Variants in COX6C observed in about 807,000 individuals in gnomAD.
The protein encoded by COX6C is cytochrome c oxidase polypeptide VIc.
Under a neutral mutation model 6.9 loss-of-function variants are expected in COX6C, and 3 were observed. The ratio of observed to expected loss-of-function variants is 0.43; its 90% confidence interval spans 0.20 to 1.12. The LOEUF (loss-of-function observed/expected upper bound fraction) is 1.12. COX6C is among the 50% of genes most tolerant of loss of function. The probability of loss-of-function intolerance (pLI) is 0.27; values close to 1 mark genes in which losing one functional copy is unlikely to be tolerated. For synonymous variants in COX6C, 32 were observed against 32.0 expected, an observed-to-expected ratio of 1.00 and a Z score of 0.00; for missense variants, 101 against 97.3, an observed-to-expected ratio of 1.04 and a Z score of -0.16.
At chr8:99,881,759 T>A (rs143106540) in intron 3 of COX6C, among the ~76,000 whole-genome samples, 1 of 152,314 alleles carries the variant, frequency 6.6e-6, no homozygotes, top group African/African-American at 2.4e-5. Context: ...TATCAGTAAT[T>A]ATCTTAAATG....
intron 3 of COX6C, among the ~76,000 whole-genome samples, chr8:99,881,933 CAG>C (rs551264454): frequency 1.3e-5 from 2 of 152,256 alleles, no homozygotes; most frequent in African/African-American, 4.8e-5. Flanking sequence ...ACCAGGAGAA[CAG>C]GGGTAGCTAC....
At chr8:99,892,279 G>C (rs905616519) in intron 1 of COX6C, among the ~76,000 whole-genome samples, 1 of 152,168 alleles carries the variant, frequency 6.6e-6, no homozygotes, top group African/African-American at 2.4e-5. Context: ...TCCTCCCAAA[G>C]TGCTGGGATT....
At chr8:99,882,462 T>C (rs1817879114) in intron 3 of COX6C, among the ~76,000 whole-genome samples, 1 of 152,140 alleles carries the variant, frequency 6.6e-6, no homozygotes, top group Non-Finnish European at 1.5e-5. Flanking sequence ...TTAAACAGAC[T>C]CTTAACAATC....
At chr8:99,890,206 G>A (rs923587711) in intron 2 of COX6C, among the ~76,000 whole-genome samples, 13 of 151,832 alleles carry the variant, frequency 8.6e-5, no homozygotes, top group Non-Finnish European at 1.6e-4. Flanking sequence ...CAAGCAATCC[G>A]CCCACCTCAG....
chr8:99,878,663 T>C (rs999722451), intron 3 of COX6C: 2 of 114,192 alleles, frequency 1.8e-5, no homozygotes, highest in Admixed American at 8.6e-5. Context: ...TGTTCTCTCA[T>C]ACAGGTTTTT....
intron 1 of COX6C, among the ~76,000 whole-genome samples, chr8:99,892,354 A>T (rs968111562): frequency 3.9e-5 from 6 of 152,160 alleles, no homozygotes; most frequent in Non-Finnish European, 8.8e-5. Context: ...AAAAATTTAC[A>T]TTAAAATAAC....
In COX6C at chr8:99,887,546, C is replaced by G. The variant is rs376293241; in HGVS notation, c.187G>C (p.Glu63Gln). 1 of 1,610,132 alleles carries G rather than the reference C, an allele frequency of 6.2e-7. No homozygotes were observed. The highest frequency in any genetic ancestry group is 1.3e-5 in the African/African-American group (1 of 74,438). ...YRNYDVMKDFEEMRKAGIFQS... is the reference protein window; with the variant it reads ...YRNYDVMKDFQEMRKAGIFQS... Reference sequence around the variant, plus strand: ...AAGATACCAGCCTTCCTCATCTCCTCAAAATCTTTCATGACATCGTAGTTT... The same window carrying G: ...AAGATACCAGCCTTCCTCATCTCCTGAAAATCTTTCATGACATCGTAGTTT... The change falls in exon 3 of 4, where the codon GAG (glutamate) becomes CAG (glutamine). Residue 63 changes from glutamate to glutamine, a missense_variant. Transcript: ENST00000520468.
intron 3 of COX6C, among the ~76,000 whole-genome samples, chr8:99,883,429 ATGTATG>A (rs552040576): frequency 6.9e-4 from 100 of 145,844 alleles, no homozygotes; most frequent in Middle Eastern, 3.4e-3. Context: ...GTGTGTATAT[ATGTATG>A]TGTGTGTGTG....
chr8:99,888,218 A>T (rs1817973979), intron 2 of COX6C, among the ~76,000 whole-genome samples: 2 of 152,212 alleles, frequency 1.3e-5, no homozygotes, highest in South Asian at 4.1e-4. Context: ...AGAATCCTTT[A>T]CCTGACCAGT....
chr8:99,883,210 T>A (rs1485125253), intron 3 of COX6C, among the ~76,000 whole-genome samples: 1 of 152,048 alleles, frequency 6.6e-6, no homozygotes, highest in South Asian at 2.1e-4. Flanking sequence ...GACCATATGG[T>A]GAATCCTACC....
At chr8:99,883,433 ATG>A (rs1272786254) in intron 3 of COX6C, among the ~76,000 whole-genome samples, 53 of 145,728 alleles carry the variant, frequency 3.6e-4, no homozygotes, top group Middle Eastern at 3.6e-3. Flanking sequence ...GTATATATGT[ATG>A]TGTGTGTGTG....
chr8:99,881,967 C>G (rs1005462479), intron 3 of COX6C, among the ~76,000 whole-genome samples: 1 of 152,016 alleles, frequency 6.6e-6, no homozygotes, highest in African/African-American at 2.4e-5. Flanking sequence ...CAAAATAGAC[C>G]AAGTCTAAAA....
At chr8:99,881,305 A>G (rs1271444193) in intron 3 of COX6C, among the ~76,000 whole-genome samples, 1 of 152,012 alleles carries the variant, frequency 6.6e-6, no homozygotes, top group African/African-American at 2.4e-5. Flanking sequence ...AGTTGCAGTG[A>G]GCCGAGATTG....
chr8:99,891,126 A>C (rs1003403013), intron 2 of COX6C, among the ~76,000 whole-genome samples: 1 of 152,230 alleles, frequency 6.6e-6, no homozygotes, highest in Non-Finnish European at 1.5e-5. Context: ...GTTTGACCAA[A>C]ACTCATGTGT....
At chr8:99,885,419 A>G (rs982692339) in intron 3 of COX6C, among the ~76,000 whole-genome samples, 3 of 152,192 alleles carry the variant, frequency 2.0e-5, no homozygotes, top group South Asian at 2.1e-4. Context: ...AACATATCTT[A>G]GATAAAACGG....
rs769127185 is a variant in COX6C, at chr8:99,891,994, G to A, written c.28C>T (p.Arg10Trp). 6.2e-7 allele frequency: 1 copy of A among 1,613,090 alleles called. No individual in the cohort carries two copies. Among genetic ancestry groups the A allele is most frequent in the Admixed American group, 1.7e-5 (1 of 59,752 alleles). The change falls in exon 2 of 4, where the codon CGG (arginine) becomes TGG (tryptophan). Residue 10 changes from arginine (R) to tryptophan (W), a missense_variant. Arg to Trp is a moderately radical substitution (Grantham distance 101, BLOSUM62 -3). Coordinates refer to ENST00000520468, the MANE Select transcript of COX6C (RefSeq NM_004374.4). Reference sequence around the variant, plus strand: ...CGCCTGGCCAGAAGGCCACGCATCCGAGGTTTTGGCAAAACTTCGGGAGCC... The same window carrying A: ...CGCCTGGCCAGAAGGCCACGCATCCAAGGTTTTGGCAAAACTTCGGGAGCC... MAPEVLPKP[R>W]MRGLLARRLR...
intron 3 of COX6C, 170 bp downstream of exon 3, chr8:99,887,320 T>C (rs2131007706): frequency 4.3e-6 from 2 of 463,216 alleles, no homozygotes; most frequent in Non-Finnish European, 7.6e-6. Flanking sequence ...ATTGCTCATG[T>C]GGACAAAGAT....
chr8:99,892,678 TC>T (rs76610503), intron 1 of COX6C, among the ~76,000 whole-genome samples: 1 of 151,210 alleles, frequency 6.6e-6, no homozygotes, highest in Non-Finnish European at 1.5e-5. Flanking sequence ...TGTTTCATCT[TC>T]CCCCCGCCCC....
chr8:99,891,805 G>A (rs1357665994), intron 2 of COX6C, 103 bp downstream of exon 2: 2 of 958,818 alleles, frequency 2.1e-6, no homozygotes, highest in Admixed American at 1.8e-5. Context: ...AGTGCAGAAA[G>A]GGTTAGAAAG....
Sources: allele counts gnomAD v4.1 joint callset (sites outside exome capture counted in the v4.1 genomes callset), GRCh38; gene constraint gnomAD v4.1.1; transcripts MANE v1.5; gene names NCBI Gene and HGNC (gene_info 2026-07-23, HGNC 2026-07-21).